The following HSPG2 variants were observed in gnomAD, a reference collection of about 807,000 sequenced individuals.
The protein encoded by HSPG2 is basement membrane-specific heparan sulfate proteoglycan core protein.
Under a neutral mutation model 526.6 loss-of-function variants are expected in HSPG2, and 278 were observed. That is an observed-to-expected ratio of 0.53 (90% CI 0.48 to 0.58). HSPG2 has a LOEUF of 0.58. HSPG2 is among the 20% of genes least tolerant of loss of function. The probability of loss-of-function intolerance (pLI) is 0.00; values close to 1 mark genes in which losing one functional copy is unlikely to be tolerated. For synonymous variants in HSPG2, 2,465 were observed against 2,555.4 expected, an observed-to-expected ratio of 0.96 and a Z score of 1.07; for missense variants, 5,354 against 6,099.5, an observed-to-expected ratio of 0.88 and a Z score of 4.07.
chr1:21,824,637 G>C lies in HSPG2; in HGVS notation c.12666-22C>G. The C allele has an allele frequency of 6.2e-7, 1 of 1,613,778 alleles. No homozygotes were observed. Among genetic ancestry groups the C allele is most frequent in the Non-Finnish European group, 8.5e-7 (1 of 1,179,862 alleles). On this transcript the variant is annotated intron_variant, in intron 92 of 96. Transcript: ENST00000374695. The surrounding 1 kb of genome is among the most constrained non-coding windows in gnomAD (Gnocchi z 5.9). ...CAGGCTGCGGAGGAAGAGCGGGTGA[G>C]GGGACAGAAGTCCCAGATTCCCATC...
chr1:21,822,542 G>A lies in HSPG2; in HGVS notation c.*774C>T. 2.8e-6 allele frequency: 1 copy of A among 355,668 alleles called. No individual in the cohort carries two copies. Among genetic ancestry groups the A allele is most frequent in the Admixed American group, 3.8e-5 (1 of 26,552 alleles). The allele number at this position is 355,668 out of a possible 1,614,324, so 22.0% of individuals were successfully genotyped here. On this transcript the variant is annotated 3_prime_UTR_variant, in exon 97 of 97. Transcript: ENST00000374695. ...TCCCTGGGCCTTCACTTCCAGATGG[G>A]TGGGGATGTGGCCTGGGGTGGGCGG...
rs780836968 is a variant in HSPG2, at chr1:21,852,947, C to A, written c.6563G>T (p.Arg2188Leu). The A allele has an allele frequency of 1.9e-6, 3 of 1,613,404 alleles. No homozygotes were observed. The highest frequency in any genetic ancestry group is 2.2e-5 in the South Asian group (2 of 91,058). ...GTGCCGGGCAGGGAGGCTGCCCCCA[C>A]GCTTGTGCCACGTGACCTGGGCGTG... is the stretch of plus-strand genomic sequence containing the variant. The part of the protein sequence containing the change: ...QAHAQVTWHK[R>L]GGSLPARHQT... The change falls in exon 51 of 97, where the codon CGT becomes CTT. Residue 2188 changes from arginine to leucine, a missense_variant. Arg to Leu is a moderately radical substitution (Grantham distance 102, BLOSUM62 -2). Transcript: ENST00000374695.
Position 21,896,273 on chromosome 1 carries a change from A to G in HSPG2, c.101T>C (p.Leu34Pro), listed in dbSNP as rs371633219. 1.4e-5 allele frequency: 23 copies of G among 1,613,796 alleles called. No individual in the cohort carries two copies. Among genetic ancestry groups the G allele is most frequent in the Non-Finnish European group, 1.9e-5 (23 of 1,179,998 alleles). ...HGLRAYDGLS[L>P]PEDIETVTAS... Reference sequence around the variant, plus strand: ...TGTGACGGTCTCTATGTCCTCAGGCAGAGACAAGCCATCGTATGCCCTCAG... The same window carrying G: ...TGTGACGGTCTCTATGTCCTCAGGCGGAGACAAGCCATCGTATGCCCTCAG... Residue 34 changes from leucine to proline, a missense_variant, in exon 2 of 97, where the codon CTG becomes CCG. By Grantham distance (98) the Leu-to-Pro change is moderately conservative. Transcript: ENST00000374695.
rs146179360 is a variant in HSPG2 at position 21,828,408 on chromosome 1, G to A, written c.12256C>T (p.Arg4086Trp). ...CVGEVSVNGKRLDLTYSFLGS... is the reference protein window; with the variant it reads ...CVGEVSVNGKWLDLTYSFLGS... ...AGGAAACTGTAGGTGAGGTCCAGCC[G>A]TTTGCCATTCACTGACACCTGTGGG... is the stretch of plus-strand genomic sequence containing the variant. The change falls in exon 89 of 97, where the codon CGG becomes TGG. Residue 4086 changes from arginine to tryptophan, a missense_variant. Coordinates refer to ENST00000374695, the MANE Select transcript of HSPG2 (RefSeq NM_005529.7). The surrounding 1 kb of genome is among the most constrained non-coding windows in gnomAD (Gnocchi z 6.0). 1,151 of 1,613,536 alleles carry A rather than the reference G, an allele frequency of 7.1e-4. 2 individuals are homozygous for A. The highest frequency in any genetic ancestry group is 1.8e-3 in the Middle Eastern group (11 of 6,062).
intron 75 of HSPG2, 141 bp downstream of exon 75, chr1:21,836,661 C>T (rs2098027383): frequency 1.3e-6 from 1 of 752,996 alleles, no homozygotes; most frequent in Non-Finnish European, 2.2e-6. Flanking sequence ...CAGCTGAGAA[C>T]ACTGAGGCTC....
chr1:21,865,742 A>G lies in HSPG2; in HGVS notation c.4289T>C (p.Leu1430Pro). 1 of 1,613,780 alleles carries G rather than the reference A, an allele frequency of 6.2e-7. No individual in the cohort carries two copies. The highest frequency in any genetic ancestry group is 8.5e-7 in the Non-Finnish European group (1 of 1,179,956). ...CGTGATCTGCACATCGGGGTCAGAG[A>G]GTGGGCTGCCCTGTGGGCCTGCTGT... ...SYTAGPQGSP[L>P]SDPDVQITGN... Residue 1430 changes from leucine to proline, a missense_variant, in exon 34 of 97, where the codon CTC becomes CCC. Leu to Pro is a moderately conservative substitution (Grantham distance 98). Coordinates refer to ENST00000374695, the MANE Select transcript of HSPG2 (RefSeq NM_005529.7). This position sits in a 1 kb window ranked among gnomAD's most constrained non-coding sequence, Gnocchi z 5.4.
Position 21,840,114 on chromosome 1 carries a change from G to A in HSPG2, c.9514-97C>T, listed in dbSNP as rs1414976680. Reference sequence around the variant, plus strand: ...TGGTCTTCCCTATTTCCTCTACCCTGCCTTGGTATCTATTTATTTACTTAT... The same window carrying A: ...TGGTCTTCCCTATTTCCTCTACCCTACCTTGGTATCTATTTATTTACTTAT... On this transcript the variant is annotated intron_variant, in intron 71 of 96. Transcript: ENST00000374695. 2.1e-5 allele frequency: 19 copies of A among 912,336 alleles called. No homozygotes were observed. The Admixed American group carries it at 2.4e-4, about 11-fold the overall frequency. The allele number at this position is 912,336 out of a possible 1,614,324, so 56.5% of individuals were successfully genotyped here.
At chr1:21,877,899 C>T (rs1239291463) in intron 21 of HSPG2, among the ~76,000 whole-genome samples, 1 of 152,210 alleles carries the variant, frequency 6.6e-6, no homozygotes, top group Non-Finnish European at 1.5e-5. Context: ...ATCAATGTGA[C>T]AATGGACAAA....
chr1:21,839,846 C>T lies in HSPG2; in HGVS notation c.9685G>A (p.Ala3229Thr), dbSNP rs752575188. Residue 3229 changes from alanine to threonine, a missense_variant, in exon 72 of 97, where the codon GCC (alanine) becomes ACC (threonine). By Grantham distance (58) the Ala-to-Thr change is moderately conservative. Transcript: ENST00000374695. This position sits in a 1 kb window ranked among gnomAD's most constrained non-coding sequence, Gnocchi z 4.5. ...CCTGTGGCTGAGCAGCGCAAGGTGGCCGTGTGTCCAGCCTCCACAGTCAGC... is the reference window on the plus strand; with the variant it reads ...CCTGTGGCTGAGCAGCGCAAGGTGGTCGTGTGTCCAGCCTCCACAGTCAGC... ...AELTVEAGHT[A>T]TLRCSATGSP... is the part of the protein sequence containing the mutation. 6.2e-7 allele frequency: 1 copy of T among 1,613,830 alleles called. No individual in the cohort carries two copies. The highest frequency in any genetic ancestry group is 2.2e-5 in the East Asian group (1 of 44,870).
chr1:21,861,946 C>T (rs1639823314), intron 38 of HSPG2, 42 bp downstream of exon 38: 1 of 1,613,826 alleles, frequency 6.2e-7, no homozygotes, highest in Non-Finnish European at 8.5e-7. Context: ...CACTCATTCC[C>T]CAGTGGAAGT....
At chr1:21,883,851 C>A (rs530764879) in intron 13 of HSPG2, among the ~76,000 whole-genome samples, 2 of 152,338 alleles carry the variant, frequency 1.3e-5, no homozygotes, top group South Asian at 4.1e-4. Flanking sequence ...AGCCATCCTG[C>A]CATTCTGCCT....
rs748703031 is a variant in HSPG2 at position 21,887,184 on chromosome 1, G to A, written c.1078+31C>T. ...GGAGCAAGCGGCCTGGGCAGGGCAA[G>A]GGGGCCTCAGCTGGACCCTCGGATA... On this transcript the variant is annotated intron_variant, in intron 9 of 96. Coordinates refer to ENST00000374695, the MANE Select transcript of HSPG2 (RefSeq NM_005529.7). The surrounding 1 kb of genome is among the most constrained non-coding windows in gnomAD (Gnocchi z 5.0). 1 of 1,596,950 alleles carries A rather than the reference G, an allele frequency of 6.3e-7. No homozygotes were observed. Among genetic ancestry groups the A allele is most frequent in the Non-Finnish European group, 8.5e-7 (1 of 1,173,002 alleles).
chr1:21,852,299 A>G (rs1572228097), intron 52 of HSPG2, 66 bp from the exon 53 acceptor site: 1 of 1,584,108 alleles, frequency 6.3e-7, no homozygotes. Flanking sequence ...GGGGTTGCCC[A>G]CCCTGCAGCT....
chr1:21,837,800 C>T (rs2098032647), intron 74 of HSPG2, among the ~76,000 whole-genome samples: 1 of 152,118 alleles, frequency 6.6e-6, no homozygotes, highest in Admixed American at 6.5e-5. Flanking sequence ...TCCAACTCAG[C>T]CTACATGGTT....
In HSPG2 at chr1:21,916,640, C is replaced by T. The variant is rs533151589; in HGVS notation, c.64-20330G>A. ...CCAGGAGGCAGAGGTTGCAGTGAGC[C>T]GAGATTGCGCCATTGCACTCCAGCC... On this transcript the variant is annotated intron_variant, in intron 1 of 96. Coordinates refer to ENST00000374695, the MANE Select transcript of HSPG2 (RefSeq NM_005529.7). Among the ~76,000 whole-genome samples, 14 of 149,540 alleles carry T rather than the reference C, an allele frequency of 9.4e-5. No homozygotes were observed. The East Asian group carries it at 9.8e-4, about 10-fold the overall frequency.
At chr1:21,851,063 C>T (rs1372861665) in intron 55 of HSPG2, among the ~76,000 whole-genome samples, 2 of 151,734 alleles carry the variant, frequency 1.3e-5, no homozygotes, top group Non-Finnish European at 2.9e-5. Flanking sequence ...GCCTCCGCCT[C>T]CTGGGTTCAA....
chr1:21,823,853 C>T (rs1283441886), intron 95 of HSPG2, 134 bp from the exon 96 acceptor site: 1 of 789,280 alleles, frequency 1.3e-6, no homozygotes, highest in Non-Finnish European at 2.1e-6. Context: ...TCTTTCTTTC[C>T]CCCGCTGAAC....
chr1:21,925,187 A>G (rs1033102351), intron 1 of HSPG2, among the ~76,000 whole-genome samples: 2 of 152,190 alleles, frequency 1.3e-5, no homozygotes, highest in African/African-American at 4.8e-5. Context: ...GGGGATTGAT[A>G]ACACAGATCA....
rs185676812 is a variant in HSPG2 at position 21,871,508 on chromosome 1, C to T, written c.4221+678G>A. 6.3e-3 allele frequency among the ~76,000 whole-genome samples: 953 copies of T among 152,202 alleles called. 7 individuals carry two copies. The highest frequency in any genetic ancestry group is 0.021 in the African/African-American group (882 of 41,536). ...AACTCCTGAGCTCAAGTGGTCCTCC[C>T]GCCTCAGCCTTCCAAAGTGCTGGAA... On this transcript the variant is annotated intron_variant, in intron 33 of 96. Coordinates refer to ENST00000374695, the MANE Select transcript of HSPG2 (RefSeq NM_005529.7).
Sources: gnomAD v4.1 joint callset for allele counts (sites outside exome capture counted in the v4.1 genomes callset) on GRCh38, gnomAD v4.1.1 for gene constraint, Gnocchi (gnomAD v3.1) non-coding constraint, MANE v1.5 for transcripts, NCBI Gene and HGNC (gene_info 2026-07-23, HGNC 2026-07-21) for gene names.